SHB: variants seen among roughly 807,000 people sequenced by gnomAD.
The protein encoded by SHB is SH2 domain containing adaptor protein B.
Under a neutral mutation model 52.3 loss-of-function variants are expected in SHB, and 20 were observed. The ratio of observed to expected loss-of-function variants is 0.38; its 90% CI spans 0.27 to 0.56. The LOEUF (loss-of-function observed/expected upper bound fraction) is 0.56. SHB is among the 20% of genes least tolerant of loss of function. The pLI is 0.71. For synonymous variants in SHB, 397 were observed against 316.5 expected (o/e 1.25, Z -2.70); for missense variants, 825 against 723.3 (o/e 1.14, Z -1.61).
chr9:37,931,641 G>A (rs1219436753), intron 5 of SHB, among the ~76,000 whole-genome samples: 1 of 152,218 alleles, frequency 6.6e-6, no homozygotes, highest in African/African-American at 2.4e-5. Flanking sequence ...CACTGTTGGT[G>A]GGAATGTAGA....
intron 1 of SHB, among the ~76,000 whole-genome samples, chr9:38,035,131 A>G (rs1821468468): frequency 6.6e-6 from 1 of 152,098 alleles, no homozygotes; most frequent in African/African-American, 2.4e-5. Flanking sequence ...TGTTGGGGGC[A>G]TGCAAGACAG....
At chr9:38,048,011 A>G (rs1821680631) in intron 1 of SHB, among the ~76,000 whole-genome samples, 1 of 152,160 alleles carries the variant, frequency 6.6e-6, no homozygotes, top group Non-Finnish European at 1.5e-5. Flanking sequence ...TTCCAACACA[A>G]TGAGACACTC....
At chr9:38,041,799 C>T (rs950192551) in intron 1 of SHB, among the ~76,000 whole-genome samples, 3 of 152,074 alleles carry the variant, frequency 2.0e-5, no homozygotes, top group Admixed American at 6.6e-5. Context: ...ACTGAATGCC[C>T]GAAGCACAAG....
intron 5 of SHB, among the ~76,000 whole-genome samples, chr9:37,935,795 G>A (rs565517666): frequency 5.3e-4 from 80 of 151,980 alleles, no homozygotes; most frequent in Non-Finnish European, 1.0e-3. Flanking sequence ...TTTCTCTACT[G>A]AGCCAATTAA....
intron 1 of SHB, among the ~76,000 whole-genome samples, chr9:38,052,516 G>A (rs1237789492): frequency 1.3e-5 from 2 of 152,138 alleles, no homozygotes; most frequent in Admixed American, 6.5e-5. Flanking sequence ...AATTTCTCTC[G>A]ATTGCCCAGT....
intron 5 of SHB, among the ~76,000 whole-genome samples, chr9:37,940,622 C>T (rs1388415134): frequency 1.3e-5 from 2 of 152,192 alleles, no homozygotes; most frequent in African/African-American, 2.4e-5. Flanking sequence ...CTGACTCAGG[C>T]TGGCTCAAAT....
At position 38,046,334 on chromosome 9, in the gene SHB, G is replaced by A. The variant is rs555174808; in HGVS notation, c.717+21595C>T. Among the ~76,000 whole-genome samples, 4 of 152,314 alleles carry A rather than the reference G, an allele frequency of 2.6e-5. No homozygotes were observed. In the East Asian group the frequency reaches 7.7e-4, roughly 29 times the overall value. On this transcript the variant is annotated intron_variant, in intron 1 of 5. Transcript: ENST00000377707. ...GAAGTGAACAGAGGCAACAGAAACC[G>A]TGTTGCTGCAAAGCCTGAAATACTA...
At chr9:38,015,283 G>C (rs1183319379) in intron 2 of SHB, 1 of 609,204 alleles carries the variant, frequency 1.6e-6, no homozygotes. Flanking sequence ...CTGCCTACAA[G>C]ATGACTGATG....
rs2118443500 is a variant in SHB, at chr9:37,918,449, G to A, written c.*1372C>T. On this transcript the variant is annotated 3_prime_UTR_variant, in exon 6 of 6. Coordinates refer to ENST00000377707, the MANE Select transcript of SHB (RefSeq NM_003028.3). ...TGTGTGTGTGTGTGTGTGTGTGTAGGTGTTCTTGTGTGTGGAAGCAGTGTG... is the reference window on the plus strand; with the variant it reads ...TGTGTGTGTGTGTGTGTGTGTGTAGATGTTCTTGTGTGTGGAAGCAGTGTG... Among the ~76,000 whole-genome samples the A allele has an allele frequency of 8.1e-6, 1 of 122,756 alleles. No homozygotes were observed. The highest frequency in any genetic ancestry group is 3.2e-5 in the African/African-American group (1 of 31,212). 80.5% of individuals were successfully genotyped at this position (122,756 alleles called of 152,430 possible).
At chr9:38,036,219 G>T (rs1821485407) in intron 1 of SHB, among the ~76,000 whole-genome samples, 1 of 151,886 alleles carries the variant, frequency 6.6e-6, no homozygotes, top group African/African-American at 2.4e-5. Flanking sequence ...CATTCGCCCC[G>T]ACCCACTCTA....
Position 37,919,703 on chromosome 9 carries a change from G to C in SHB, c.*118C>G. 2 of 763,030 alleles carry C rather than the reference G, an allele frequency of 2.6e-6. No individual in the cohort carries two copies. Among genetic ancestry groups the C allele is most frequent in the Non-Finnish European group, 4.5e-6 (2 of 448,754 alleles). 47.3% of individuals were successfully genotyped at this position (763,030 alleles called of 1,614,324 possible). A position where few individuals can be genotyped will look rare whatever the true frequency, so the allele number is the denominator to read the frequency against. On this transcript the variant is annotated 3_prime_UTR_variant, in exon 6 of 6. Coordinates refer to ENST00000377707, the MANE Select transcript of SHB (RefSeq NM_003028.3). ...TCTAGAGACATGCAGTGGTGTGCTA[G>C]TACCATACACACAACACAAACGACA... is the stretch of plus-strand genomic sequence containing the variant.
At chr9:38,049,463 T>C (rs758243806) in intron 1 of SHB, among the ~76,000 whole-genome samples, 1 of 151,888 alleles carries the variant, frequency 6.6e-6, no homozygotes, top group Non-Finnish European at 1.5e-5. Flanking sequence ...ATGCAAAAAT[T>C]GGCTGGGTGC....
chr9:37,937,720 G>A (rs1587200238), intron 5 of SHB, among the ~76,000 whole-genome samples: 1 of 152,242 alleles, frequency 6.6e-6, no homozygotes, highest in Non-Finnish European at 1.5e-5. Flanking sequence ...TTTGACATCT[G>A]ATTTTATAAA....
chr9:37,991,721 G>A (rs552149918), intron 2 of SHB, among the ~76,000 whole-genome samples: 1 of 152,286 alleles, frequency 6.6e-6, no homozygotes, highest in African/African-American at 2.4e-5. Context: ...TACCCTCTAA[G>A]TCACAAGGCA....
At chr9:37,996,735 C>T (rs1820951058) in intron 2 of SHB, among the ~76,000 whole-genome samples, 1 of 152,250 alleles carries the variant, frequency 6.6e-6, no homozygotes, top group African/African-American at 2.4e-5. Flanking sequence ...TAGATCTCCC[C>T]TCCTTCTACT....
intron 5 of SHB, among the ~76,000 whole-genome samples, chr9:37,932,486 A>G (rs757391320): frequency 2.0e-5 from 3 of 150,252 alleles, no homozygotes; most frequent in Non-Finnish European, 4.4e-5. Context: ...GCACAACACG[A>G]GGACCACAGG....
At chr9:38,066,160 T>C (rs980047736) in intron 1 of SHB, among the ~76,000 whole-genome samples, 6 of 152,224 alleles carry the variant, frequency 3.9e-5, no homozygotes, top group Non-Finnish European at 8.8e-5. Flanking sequence ...CTTAAATATC[T>C]TGACATCCTG....
At chr9:37,964,982 C>T (rs529675310) in intron 3 of SHB, among the ~76,000 whole-genome samples, 32 of 152,186 alleles carry the variant, frequency 2.1e-4, no homozygotes, top group Admixed American at 4.6e-4. Context: ...GTATGTCTCC[C>T]GACACTTTCA....
intron 2 of SHB, among the ~76,000 whole-genome samples, chr9:37,985,850 G>GCAGTGAC (rs1371798104): frequency 1.1e-5 from 1 of 93,354 alleles, no homozygotes; most frequent in African/African-American, 5.0e-5. Context: ...GAGTTGGACA[G>GCAGTGAC]CAGTGAGCGC....
Sources: allele counts gnomAD v4.1 joint callset (sites outside exome capture counted in the v4.1 genomes callset), GRCh38; gene constraint gnomAD v4.1.1; transcripts MANE v1.5; gene names NCBI Gene and HGNC (gene_info 2026-07-23, HGNC 2026-07-21).